Variants in ACER1 observed in about 807,000 individuals in gnomAD.
ACER1 encodes the protein alkaline ceramidase 1, also known as CTB-180A7.3.
A neutral mutation model predicts 24.9 loss-of-function variants in ACER1; 28 were observed. The observed-to-expected ratio is 1.13, with a 90% CI of 0.83 to 1.54. The LOEUF (loss-of-function observed/expected upper bound fraction) is 1.54. Ranked by LOEUF, ACER1 falls within the 40% of genes most tolerant of loss-of-function variation. The pLI is 0.00. For missense variants in ACER1, 352 were observed against 349.3 expected (o/e 1.01, Z -0.06); for synonymous variants, 132 against 131.4 (o/e 1.00, Z -0.03).
chr19:6,351,239 A>G, the ACER1 span, among the ~76,000 whole-genome samples: 2 of 151,864 alleles, frequency 1.3e-5, no homozygotes, highest in African/African-American at 4.8e-5. Context: ...GGTGGCGGGC[A>G]CCTGTTGTCC....
chr19:6,335,846 A>G (rs992395864), upstream of ACER1, among the ~76,000 whole-genome samples: 1 of 151,308 alleles, frequency 6.6e-6, no homozygotes, highest in Admixed American at 6.6e-5. Flanking sequence ...AAAAGAAAAA[A>G]TCCTAAGCGC....
intron 1 of ACER1, among the ~76,000 whole-genome samples, chr19:6,315,357 CCAT>C (rs2091598447): frequency 1.3e-5 from 2 of 151,846 alleles, no homozygotes; most frequent in African/African-American, 4.8e-5. Context: ...GCATGCACCA[CCAT>C]GTCCAGCTAA....
At chr19:6,339,741 C>A in the ACER1 span, among the ~76,000 whole-genome samples, 9 of 152,126 alleles carry the variant, frequency 5.9e-5, no homozygotes, top group African/African-American at 2.2e-4. Flanking sequence ...GATCTCGGCT[C>A]ACTGCAAGCT....
chr19:6,330,118 G>T (rs1261869438), intron 1 of ACER1, among the ~76,000 whole-genome samples: 1 of 150,858 alleles, frequency 6.6e-6, no homozygotes, highest in Non-Finnish European at 1.5e-5. Flanking sequence ...TGATCTGCCC[G>T]CCTCGGCCTC....
chr19:6,311,481 G>A (rs977804805), intron 3 of ACER1, among the ~76,000 whole-genome samples: 7 of 152,052 alleles, frequency 4.6e-5, no homozygotes, highest in Non-Finnish European at 5.9e-5. Context: ...GGCAGAGGCT[G>A]CAGTGAGCCG....
intron 1 of ACER1, among the ~76,000 whole-genome samples, chr19:6,314,667 T>A (rs933512505): frequency 6.6e-6 from 1 of 152,032 alleles, no homozygotes; most frequent in East Asian, 1.9e-4. Context: ...CGGAAAACAG[T>A]ATGCAGAATT....
intron 3 of ACER1, among the ~76,000 whole-genome samples, chr19:6,311,800 C>T (rs2091583291): frequency 1.3e-5 from 2 of 150,270 alleles, no homozygotes; most frequent in Non-Finnish European, 3.0e-5. Context: ...ATGAAAGATG[C>T]CAGGAACGCC....
the ACER1 span, among the ~76,000 whole-genome samples, chr19:6,358,179 C>T: frequency 6.6e-6 from 1 of 152,194 alleles, no homozygotes; most frequent in Non-Finnish European, 1.5e-5. Context: ...AGCAGCTGCC[C>T]TCCTACCTCC....
At chr19:6,307,417 G>A in intron 4 of ACER1, 127 bp from the exon 5 acceptor site, 2 of 1,102,546 alleles carry the variant, frequency 1.8e-6, no homozygotes, top group Non-Finnish European at 2.5e-6. Flanking sequence ...AGGAATTGAG[G>A]GTGCAAGCAG....
At chr19:6,358,907 T>C in the ACER1 span, among the ~76,000 whole-genome samples, 51 of 127,934 alleles carry the variant, frequency 4.0e-4, no homozygotes, top group African/African-American at 1.7e-3. Context: ...CACTCCAGCC[T>C]GGGCAACAAG....
chr19:6,315,030 T>A (rs1370128674), intron 1 of ACER1, among the ~76,000 whole-genome samples: 1 of 146,370 alleles, frequency 6.8e-6, no homozygotes, highest in East Asian at 2.2e-4. Context: ...TAGCTGGGAC[T>A]GCAGGTGCCT....
the ACER1 span, among the ~76,000 whole-genome samples, chr19:6,354,851 C>T: frequency 1.1e-3 from 173 of 152,284 alleles, 3 homozygotes; most frequent in Admixed American, 9.8e-3. Flanking sequence ...CCTCTCTTTC[C>T]ACGGTCTCCC....
intron 1 of ACER1, among the ~76,000 whole-genome samples, chr19:6,332,937 A>G (rs2091695593): frequency 6.6e-6 from 1 of 151,964 alleles, no homozygotes; most frequent in Non-Finnish European, 1.5e-5. Context: ...CCAAAGTGCT[A>G]GGATTACAGA....
At chr19:6,331,545 G>A (rs1361320479) in intron 1 of ACER1, among the ~76,000 whole-genome samples, 3 of 151,482 alleles carry the variant, frequency 2.0e-5, no homozygotes, top group East Asian at 4.0e-4. Context: ...TGTAATCCCA[G>A]CACTTTGGGA....
chr19:6,350,830 C>T, the ACER1 span, among the ~76,000 whole-genome samples: 1 of 152,126 alleles, frequency 6.6e-6, no homozygotes, highest in Non-Finnish European at 1.5e-5. Flanking sequence ...ATAGTAAATG[C>T]TCAGTAAATA....
intron 1 of ACER1, among the ~76,000 whole-genome samples, chr19:6,326,189 CA>C: frequency 6.7e-6 from 1 of 148,474 alleles, no homozygotes; most frequent in East Asian, 2.0e-4. Flanking sequence ...GCAGTGGCAC[CA>C]TCTCGGCTCA....
the ACER1 span, among the ~76,000 whole-genome samples, chr19:6,342,073 G>A: frequency 2.4e-3 from 365 of 152,290 alleles, 4 homozygotes; most frequent in African/African-American, 8.5e-3. Flanking sequence ...CAGTGTTTAA[G>A]TCAATAATGG....
intron 3 of ACER1, 86 bp from the exon 4 acceptor site, chr19:6,309,920 G>C: frequency 6.5e-7 from 1 of 1,547,024 alleles, no homozygotes; most frequent in Admixed American, 1.9e-5. Flanking sequence ...TGGCCCAGGT[G>C]GGTGAGAAAA....
upstream of ACER1, among the ~76,000 whole-genome samples, chr19:6,335,369 C>T (rs2091709616): frequency 6.6e-6 from 1 of 151,490 alleles, no homozygotes. Flanking sequence ...GGACTACAGG[C>T]ACCTGCCACC....
Sources: allele counts gnomAD v4.1 joint callset (sites outside exome capture counted in the v4.1 genomes callset), GRCh38; gene constraint gnomAD v4.1.1; transcripts MANE v1.5; gene names NCBI Gene and HGNC (gene_info 2026-07-23, HGNC 2026-07-21).